The following AKAIN1 variants were observed in gnomAD, a reference collection of about 807,000 sequenced individuals.
AKAIN1 encodes the protein A-kinase anchor inhibitor 1, also known as A-kinase anchor protein inhibitor 1.
Under a neutral mutation model 3.7 loss-of-function variants are expected in AKAIN1, and 3 were observed. The observed-to-expected ratio is 0.82, with a 90% CI of 0.37 to 2.12. AKAIN1 has a LOEUF of 2.12. Ranked by LOEUF, AKAIN1 falls within the 30% of genes most tolerant of loss-of-function variation. AKAIN1 has a pLI of 0.06. For missense variants in AKAIN1, 82 were observed against 82.7 expected (o/e 0.99, Z 0.03); for synonymous variants, 31 against 30.8 (o/e 1.01, Z -0.02).
intron 1 of AKAIN1, among the ~76,000 whole-genome samples, chr18:5,174,645 G>C (rs2071215951): frequency 2.0e-5 from 3 of 152,098 alleles, no homozygotes; most frequent in African/African-American, 7.2e-5. Flanking sequence ...GGAGGCTGAG[G>C]CACGAGAATC....
At chr18:5,181,055 A>T (rs1242179724) in intron 1 of AKAIN1, among the ~76,000 whole-genome samples, 1 of 151,952 alleles carries the variant, frequency 6.6e-6, no homozygotes, top group Non-Finnish European at 1.5e-5. Flanking sequence ...TGGGAAGGTG[A>T]GATGGAAGGA....
At chr18:5,197,287 G>T, upstream of AKAIN1, 2 of 1,371,212 alleles carry the variant, frequency 1.5e-6, no homozygotes, top group South Asian at 3.5e-5. The surrounding 1 kb of genome is among the most constrained non-coding windows in gnomAD (Gnocchi z 6.9). Flanking sequence ...GAGGAGGAGG[G>T]TGAATCCCCG....
intron 1 of AKAIN1, among the ~76,000 whole-genome samples, chr18:5,190,652 T>G (rs937676245): frequency 6.6e-6 from 1 of 152,172 alleles, no homozygotes; most frequent in Admixed American, 6.6e-5. Context: ...CTGGGTAGCT[T>G]AAACTTTAGA....
chr18:5,190,099 G>C (rs1342137237), intron 1 of AKAIN1, among the ~76,000 whole-genome samples: 1 of 152,194 alleles, frequency 6.6e-6, no homozygotes, highest in Non-Finnish European at 1.5e-5. Context: ...AAGCAAGCAT[G>C]TGAGACAGAG....
At chr18:5,177,473 TAC>T (rs2071232869) in intron 1 of AKAIN1, among the ~76,000 whole-genome samples, 1 of 151,496 alleles carries the variant, frequency 6.6e-6, no homozygotes, top group Non-Finnish European at 1.5e-5. Context: ...ACATTTTACA[TAC>T]ATGTTTTCTA....
rs1271776571 is a variant in AKAIN1 at position 5,143,405 on chromosome 18, T to C, written c.*2157A>G. 6.6e-6 allele frequency among the ~76,000 whole-genome samples: 1 copy of C among 152,220 alleles called. No individual in the cohort carries two copies. Among genetic ancestry groups the C allele is most frequent in the Admixed American group, 6.5e-5 (1 of 15,284 alleles). On this transcript the variant is annotated 3_prime_UTR_variant, in exon 2 of 2. Coordinates refer to ENST00000434239, the MANE Select transcript of AKAIN1 (RefSeq NM_001145194.2). ...TGTCGATTTTCCATCTCAAAAATTATGGCAGACACTCTACCTTCCAGACCC... is the reference window on the plus strand; with the variant it reads ...TGTCGATTTTCCATCTCAAAAATTACGGCAGACACTCTACCTTCCAGACCC...
chr18:5,167,226 A>T (rs1172197462), intron 1 of AKAIN1, among the ~76,000 whole-genome samples: 1 of 152,038 alleles, frequency 6.6e-6, no homozygotes, highest in Non-Finnish European at 1.5e-5. Flanking sequence ...TAGATTTTTT[A>T]AAATTGTTAA....
chr18:5,157,251 T>A (rs2071113515), intron 1 of AKAIN1, among the ~76,000 whole-genome samples: 1 of 152,194 alleles, frequency 6.6e-6, no homozygotes, highest in South Asian at 2.1e-4. Flanking sequence ...AGCTTCCGTC[T>A]TCAGGATAAG....
chr18:5,143,383 C>T lies in AKAIN1; in HGVS notation c.*2179G>A, dbSNP rs887767737. ...TAGTCATATCTCTGTTCCTTGCTGT[C>T]GATTTTCCATCTCAAAAATTATGGC... On this transcript the variant is annotated 3_prime_UTR_variant, in exon 2 of 2. Transcript: ENST00000434239. 6.6e-6 allele frequency among the ~76,000 whole-genome samples: 1 copy of T among 152,192 alleles called. No homozygotes were observed. Among genetic ancestry groups the T allele is most frequent in the African/African-American group, 2.4e-5 (1 of 41,444 alleles).
intron 1 of AKAIN1, among the ~76,000 whole-genome samples, chr18:5,187,288 C>T (rs1169282578): frequency 3.3e-5 from 5 of 152,090 alleles, no homozygotes; most frequent in South Asian, 4.1e-4. Context: ...CCTGTAGCCA[C>T]GCAGACAAGG....
At chr18:5,181,509 T>C (rs543418430) in intron 1 of AKAIN1, among the ~76,000 whole-genome samples, 2 of 152,186 alleles carry the variant, frequency 1.3e-5, no homozygotes, top group African/African-American at 2.4e-5. Context: ...ACAGAGTAGG[T>C]CTTATACAAA....
At chr18:5,174,638 G>A (rs1425612225) in intron 1 of AKAIN1, among the ~76,000 whole-genome samples, 2 of 152,092 alleles carry the variant, frequency 1.3e-5, no homozygotes, top group African/African-American at 2.4e-5. Context: ...CTACCTGGGA[G>A]GCTGAGGCAC....
Position 5,144,811 on chromosome 18 carries a change from G to C in AKAIN1, c.*751C>G, listed in dbSNP as rs143583064. On this transcript the variant is annotated 3_prime_UTR_variant, in exon 2 of 2. Coordinates refer to ENST00000434239, the MANE Select transcript of AKAIN1 (RefSeq NM_001145194.2). ...CTCCATGAGGCTGCTAAGGAAATGA[G>C]TCATTGGCAACTCACATGTGTAGAC... 6.8e-3 allele frequency among the ~76,000 whole-genome samples: 1,031 copies of C among 152,246 alleles called. 18 individuals carry two copies. The highest frequency in any genetic ancestry group is 5.7e-3 in the Non-Finnish European group (386 of 68,010).
At chr18:5,162,625 CGTGTGTGTGTGTGTGT>C (rs150673471) in intron 1 of AKAIN1, among the ~76,000 whole-genome samples, 2 of 145,776 alleles carry the variant, frequency 1.4e-5, no homozygotes, top group Non-Finnish European at 3.0e-5. Context: ...CAATGTGATG[CGTGTGTGTGTGTGTGT>C]GTGTGTGTGT....
intron 1 of AKAIN1, among the ~76,000 whole-genome samples, chr18:5,173,681 T>C (rs2143353623): frequency 6.6e-6 from 1 of 152,242 alleles, no homozygotes; most frequent in East Asian, 1.9e-4. Flanking sequence ...CAATTGCTGA[T>C]AATTTGGAGA....
chr18:5,195,932 G>C (rs1303959613), intron 1 of AKAIN1, among the ~76,000 whole-genome samples: 5 of 152,100 alleles, frequency 3.3e-5, no homozygotes, highest in African/African-American at 1.2e-4. Context: ...TCCCTCCCCA[G>C]CTAGCATTCT....
At chr18:5,176,439 C>CAAAAAA (rs146227001) in intron 1 of AKAIN1, among the ~76,000 whole-genome samples, 1,736 of 150,708 alleles carry the variant, frequency 0.012, 38 homozygotes, top group East Asian at 0.11. Flanking sequence ...GACCCTGTCT[C>CAAAAAA]AAAAACAAAC....
chr18:5,156,577 A>G lies in AKAIN1; in HGVS notation c.17-10822T>C, dbSNP rs111849591. 8.5e-3 allele frequency among the ~76,000 whole-genome samples: 1,287 copies of G among 152,302 alleles called. 14 individuals carry two copies. Among genetic ancestry groups the G allele is most frequent in the African/African-American group, 0.029 (1,203 of 41,564 alleles). On this transcript the variant is annotated intron_variant, in intron 1 of 1. Coordinates refer to ENST00000434239, the MANE Select transcript of AKAIN1 (RefSeq NM_001145194.2). ...CCTTTGTAATGTCAAAATATTTCCC[A>G]TATCCCTTCATGACACAATGACAAG...
At chr18:5,185,693 C>T (rs2071283459) in intron 1 of AKAIN1, among the ~76,000 whole-genome samples, 1 of 152,018 alleles carries the variant, frequency 6.6e-6, no homozygotes, top group Non-Finnish European at 1.5e-5. Context: ...ACAAAAATAA[C>T]AGATGCTGGT....
Sources: allele counts gnomAD v4.1 joint callset (sites outside exome capture counted in the v4.1 genomes callset), GRCh38; gene constraint gnomAD v4.1.1; non-coding constraint Gnocchi (gnomAD v3.1); transcripts MANE v1.5; gene names NCBI Gene and HGNC (gene_info 2026-07-23, HGNC 2026-07-21).